Variants in KIF13A observed in about 807,000 individuals in gnomAD.
KIF13A encodes the protein kinesin-like protein KIF13A.
In KIF13A, 79 loss-of-function variants were observed where a neutral mutation model predicts 212.2. The observed-to-expected ratio is 0.37, with a 90% CI of 0.31 to 0.45. The LOEUF is 0.45. Ranked by LOEUF, KIF13A falls within the 20% of genes least tolerant of loss-of-function variation. The pLI is 1.00. For missense variants in KIF13A, 1,901 were observed against 2,209.0 expected (o/e 0.86, Z 2.79); for synonymous variants, 789 against 808.6 (o/e 0.98, Z 0.41).
intron 2 of KIF13A, among the ~76,000 whole-genome samples, chr6:17,959,638 A>C (rs1420701621): frequency 6.6e-6 from 1 of 152,242 alleles, no homozygotes; most frequent in African/African-American, 2.4e-5. Flanking sequence ...AGAATTGATT[A>C]TTTTCAATTA....
intron 3 of KIF13A, among the ~76,000 whole-genome samples, chr6:17,881,323 G>GAT (rs1021499478): frequency 6.6e-6 from 1 of 152,054 alleles, no homozygotes; most frequent in African/African-American, 2.4e-5. Flanking sequence ...TGTGTTGAGA[G>GAT]ATATATATAA....
At position 17,837,296 on chromosome 6, in the gene KIF13A, T is replaced by C. The variant is rs1433754829; in HGVS notation, c.942+176A>G. On this transcript the variant is annotated intron_variant, in intron 10 of 38. Coordinates refer to ENST00000259711, the MANE Select transcript of KIF13A (RefSeq NM_022113.6). The surrounding 1 kb of genome is among the most constrained non-coding windows in gnomAD (Gnocchi z 5.4). ...AATGAATAAGGCCTGTCAAACAGCA[T>C]TCAAATGGAATAAAAAGGAGTAGAA... Among the ~76,000 whole-genome samples, 3 of 152,204 alleles carry C rather than the reference T, an allele frequency of 2.0e-5. No individual in the cohort carries two copies. Among genetic ancestry groups the C allele is most frequent in the Admixed American group, 2.0e-4 (3 of 15,272 alleles).
chr6:17,927,763 A>T (rs972759699), intron 2 of KIF13A, among the ~76,000 whole-genome samples: 1 of 152,252 alleles, frequency 6.6e-6, no homozygotes, highest in African/African-American at 2.4e-5. Context: ...AAAAAGAGTG[A>T]GATTTCTCTC....
chr6:17,777,153 C>A lies in KIF13A; in HGVS notation c.4170+124G>T. 1.4e-6 allele frequency: 1 copy of A among 734,422 alleles called. No individual in the cohort carries two copies. The highest frequency in any genetic ancestry group is 2.1e-5 in the Admixed American group (1 of 46,776). 45.5% of individuals were successfully genotyped at this position (734,422 alleles called of 1,614,324 possible). On this transcript the variant is annotated intron_variant, in intron 34 of 38. Transcript: ENST00000259711. The surrounding 1 kb of genome is among the most constrained non-coding windows in gnomAD (Gnocchi z 4.4). ...TGTGTCCCTGGTACAGAGAAGCAGG[C>A]TACACTTTGGGATGCCCACACCAGT...
rs547158278 is a variant in KIF13A, at chr6:17,892,641, G to A, written c.159+5527C>T. On this transcript the variant is annotated intron_variant, in intron 3 of 38. Coordinates refer to ENST00000259711, the MANE Select transcript of KIF13A (RefSeq NM_022113.6). The surrounding 1 kb of genome is among the most constrained non-coding windows in gnomAD (Gnocchi z 4.7). ...TAGCCCAATTCTTGACTTCTGGGAGGGGAGAGACACTAGAGACTGAGTTCA... is the reference window on the plus strand; with the variant it reads ...TAGCCCAATTCTTGACTTCTGGGAGAGGAGAGACACTAGAGACTGAGTTCA... Among the ~76,000 whole-genome samples, 29 of 152,294 alleles carry A rather than the reference G, an allele frequency of 1.9e-4. No individual in the cohort carries two copies. Among genetic ancestry groups the A allele is most frequent in the Middle Eastern group, 3.4e-3 (1 of 294 alleles).
At chr6:17,928,369 A>G (rs1237755268) in intron 2 of KIF13A, among the ~76,000 whole-genome samples, 1 of 152,200 alleles carries the variant, frequency 6.6e-6, no homozygotes, top group Non-Finnish European at 1.5e-5. Context: ...AATCAGTAAC[A>G]TGAGAGAATC....
At position 17,926,515 on chromosome 6, in the gene KIF13A, A is replaced by G. The variant is rs936371464; in HGVS notation, c.147-28335T>C. Among the ~76,000 whole-genome samples the G allele has an allele frequency of 6.6e-6, 1 of 152,126 alleles. No homozygotes were observed. The highest frequency in any genetic ancestry group is 1.5e-5 in the Non-Finnish European group (1 of 68,036). ...CCAAAGTGCTGGTATTACAGGTGTG[A>G]GCCACCATGCCTGGCCCCTGGTACG... is the stretch of plus-strand genomic sequence containing the variant. On this transcript the variant is annotated intron_variant, in intron 2 of 38. Coordinates refer to ENST00000259711, the MANE Select transcript of KIF13A (RefSeq NM_022113.6). The surrounding 1 kb of genome is among the most constrained non-coding windows in gnomAD (Gnocchi z 4.3).
At chr6:17,779,205 A>G (rs1483644868) in intron 32 of KIF13A, 106 bp from the exon 33 acceptor site, 1 of 691,046 alleles carries the variant, frequency 1.4e-6, no homozygotes, top group East Asian at 2.9e-5. Flanking sequence ...CACATTCTCC[A>G]TTATTTAGAT....
chr6:17,855,423 G>T lies in KIF13A; in HGVS notation c.494+14C>A. On this transcript the variant is annotated intron_variant, in intron 6 of 38. Transcript: ENST00000259711. This position sits in a 1 kb window ranked among gnomAD's most constrained non-coding sequence, Gnocchi z 4.1. Reference sequence around the variant, plus strand: ...TCCCCCTATTAACACACTTAATCTTGACCACTAACTTACCCTTTGGGGTCT... The same window carrying T: ...TCCCCCTATTAACACACTTAATCTTTACCACTAACTTACCCTTTGGGGTCT... 1 of 1,586,372 alleles carries T rather than the reference G, an allele frequency of 6.3e-7. No individual in the cohort carries two copies. The highest frequency in any genetic ancestry group is 8.6e-7 in the Non-Finnish European group (1 of 1,165,172).
At chr6:17,778,350 T>G (rs1760182390) in intron 33 of KIF13A, among the ~76,000 whole-genome samples, 1 of 152,158 alleles carries the variant, frequency 6.6e-6, no homozygotes. Flanking sequence ...GGAAGATTTT[T>G]CTGACAGATG....
Position 17,779,653 on chromosome 6 carries a change from G to T in KIF13A, c.3878C>A (p.Ser1293Tyr), listed in dbSNP as rs1410543711. 1 of 1,499,746 alleles carries T rather than the reference G, an allele frequency of 6.7e-7. No homozygotes were observed. Among genetic ancestry groups the T allele is most frequent in the Non-Finnish European group, 9.2e-7 (1 of 1,088,342 alleles). The allele number at this position is 1,499,746 out of a possible 1,614,324, so 92.9% of individuals were successfully genotyped here. A position where few individuals can be genotyped will look rare whatever the true frequency, so the allele number is the denominator to read the frequency against. The change falls in exon 32 of 39, where the codon TCC becomes TAC. Residue 1293 changes from serine (S) to tyrosine (Y), a missense_variant. Ser to Tyr is a moderately radical substitution (Grantham distance 144). Around this residue, in one of 5 missense-constraint regions of KIF13A, gnomAD observed 687 missense variants for 759.1 expected, o/e 0.90. Coordinates refer to ENST00000259711, the MANE Select transcript of KIF13A (RefSeq NM_022113.6). ...ACAGGAATAAAATATATTTTTCAGG[G>T]ATATTCTCCTCTTCAAACTCTGCGT... is the stretch of plus-strand genomic sequence containing the variant. Reference protein sequence around the residue: ...SFTQSLKRRISLKNIFYSCGV... With the variant: ...SFTQSLKRRIYLKNIFYSCGV...
rs1291262189 is a variant in KIF13A, at chr6:17,914,119, A to G, written c.147-15939T>C. 6.6e-6 allele frequency among the ~76,000 whole-genome samples: 1 copy of G among 152,248 alleles called. No homozygotes were observed. The highest frequency in any genetic ancestry group is 2.4e-5 in the African/African-American group (1 of 41,468). On this transcript the variant is annotated intron_variant, in intron 2 of 38. Coordinates refer to ENST00000259711, the MANE Select transcript of KIF13A (RefSeq NM_022113.6). This position sits in a 1 kb window ranked among gnomAD's most constrained non-coding sequence, Gnocchi z 5.9. ...GGTCCTTTATCACAGATGTTTCGAG[A>G]AGCACATAATCCAAGGCCATTTCTT...
chr6:17,864,014 T>C (rs111868157), intron 4 of KIF13A, among the ~76,000 whole-genome samples: 4 of 152,310 alleles, frequency 2.6e-5, no homozygotes, highest in African/African-American at 9.6e-5. Context: ...GTTTTCCGAC[T>C]AGTTTACACT....
At chr6:17,804,811 T>A (rs1220036102) in intron 19 of KIF13A, among the ~76,000 whole-genome samples, 4 of 23,302 alleles carry the variant, frequency 1.7e-4, no homozygotes, top group East Asian at 3.0e-3. Context: ...CTGTCTCCAT[T>A]AAAAAAAAAA....
chr6:17,762,645 C>G (rs1165449903), downstream of KIF13A, among the ~76,000 whole-genome samples: 1 of 152,202 alleles, frequency 6.6e-6, no homozygotes, highest in Non-Finnish European at 1.5e-5. Context: ...TCTTGACGAA[C>G]AAGGGTTGAA....
Position 17,778,934 on chromosome 6 carries a change from T to C in KIF13A, c.4092+13A>G. On this transcript the variant is annotated intron_variant, in intron 33 of 38. Transcript: ENST00000259711. Reference sequence around the variant, plus strand: ...GGTGCTTTCATCCTCGGTCCAGATATTCAGTTACTTGCCTGCCGGAGCCGT... The same window carrying C: ...GGTGCTTTCATCCTCGGTCCAGATACTCAGTTACTTGCCTGCCGGAGCCGT... 6.4e-7 allele frequency: 1 copy of C among 1,565,876 alleles called. No individual in the cohort carries two copies. Among genetic ancestry groups the C allele is most frequent in the Non-Finnish European group, 8.7e-7 (1 of 1,154,708 alleles).
chr6:17,964,523 T>C (rs776407367), intron 2 of KIF13A, among the ~76,000 whole-genome samples: 2 of 152,168 alleles, frequency 1.3e-5, no homozygotes, highest in Non-Finnish European at 2.9e-5. Flanking sequence ...AAATCAAATT[T>C]ATAAAAATCA....
At chr6:17,909,785 T>C (rs1193556424) in intron 2 of KIF13A, among the ~76,000 whole-genome samples, 1 of 151,932 alleles carries the variant, frequency 6.6e-6, no homozygotes, top group African/African-American at 2.4e-5. Context: ...TTCCAGCTAC[T>C]TGGGAGGCTG....
At chr6:17,975,440 G>A (rs151280612) in intron 2 of KIF13A, among the ~76,000 whole-genome samples, 4 of 152,284 alleles carry the variant, frequency 2.6e-5, no homozygotes, top group Non-Finnish European at 5.9e-5. Flanking sequence ...GATCTCGCTA[G>A]CTTACAAAAG....
Sources: gnomAD v4.1 joint callset for allele counts (sites outside exome capture counted in the v4.1 genomes callset) on GRCh38, gnomAD v4.1.1 for gene constraint, gnomAD v4.1.1 regional missense constraint, Gnocchi (gnomAD v3.1) non-coding constraint, MANE v1.5 for transcripts, NCBI Gene and HGNC (gene_info 2026-07-23, HGNC 2026-07-21) for gene names.